TAF4B: variants seen among roughly 807,000 people sequenced by gnomAD.
TAF4B encodes the protein TATA-box binding protein associated factor 4b.
A neutral mutation model predicts 86.4 loss-of-function variants in TAF4B; 38 were observed. The observed-to-expected ratio is 0.44, with a 90% confidence interval of 0.34 to 0.58. The LOEUF is 0.58. TAF4B is among the 20% of genes least tolerant of loss of function. The pLI is 0.02. For missense variants in TAF4B, 988 were observed against 1,027.6 expected (o/e 0.96, Z 0.53); for synonymous variants, 388 against 391.2 (o/e 0.99, Z 0.10).
intron 14 of TAF4B, among the ~76,000 whole-genome samples, chr18:26,388,665 G>T (rs1417067073): frequency 3.3e-5 from 5 of 152,228 alleles, no homozygotes. Context: ...ATTGGCAGAG[G>T]AGCCATGTGG....
intron 1 of TAF4B, among the ~76,000 whole-genome samples, chr18:26,262,146 A>G (rs953230517): frequency 2.0e-5 from 3 of 151,036 alleles, no homozygotes; most frequent in East Asian, 3.9e-4. Flanking sequence ...AAGAAGGGAG[A>G]CTTGAACCCT....
chr18:26,297,102 C>G (rs2056673193), intron 9 of TAF4B, among the ~76,000 whole-genome samples: 1 of 150,736 alleles, frequency 6.6e-6, no homozygotes, highest in East Asian at 1.9e-4. Context: ...CCACTGCACT[C>G]CAGCCTGGGT....
intron 8 of TAF4B, 75 bp from the exon 9 acceptor site, chr18:26,293,351 G>A (rs560117778): frequency 1.2e-5 from 12 of 966,306 alleles, no homozygotes; most frequent in South Asian, 4.7e-5. Flanking sequence ...TATAAAAAAC[G>A]GTTGTCCTGG....
chr18:26,357,839 C>A, intron 14 of TAF4B, 45 bp downstream of exon 14: 1 of 1,455,910 alleles, frequency 6.9e-7, no homozygotes, highest in Non-Finnish European at 9.5e-7. Context: ...GTCAAGAAAG[C>A]AAGCCAAAAA....
chr18:26,333,061 T>A (rs1035306751), intron 12 of TAF4B, among the ~76,000 whole-genome samples: 1 of 151,840 alleles, frequency 6.6e-6, no homozygotes, highest in African/African-American at 2.4e-5. Flanking sequence ...TTTTGTTGTT[T>A]AGATATCTAC....
At chr18:26,258,152 G>A (rs1431344252) in intron 1 of TAF4B, among the ~76,000 whole-genome samples, 1 of 151,882 alleles carries the variant, frequency 6.6e-6, no homozygotes, top group East Asian at 1.9e-4. Context: ...TACTCAGGAG[G>A]CTGAGGCAGG....
intron 1 of TAF4B, among the ~76,000 whole-genome samples, chr18:26,238,886 AGC>A (rs2055791959): frequency 6.6e-6 from 1 of 152,160 alleles, no homozygotes; most frequent in Non-Finnish European, 1.5e-5. Context: ...GATGGTTTCC[AGC>A]TTCATCCATG....
intron 14 of TAF4B, among the ~76,000 whole-genome samples, chr18:26,359,396 G>A (rs2057313614): frequency 6.6e-6 from 1 of 152,090 alleles, no homozygotes; most frequent in Non-Finnish European, 1.5e-5. Flanking sequence ...GACTTAAAGG[G>A]TATGAACATT....
chr18:26,282,113 T>TA, intron 6 of TAF4B, 53 bp downstream of exon 6: 1 of 1,379,232 alleles, frequency 7.3e-7, no homozygotes. Flanking sequence ...TACTCTAAAA[T>TA]AATTAAAAAT....
Position 26,292,254 on chromosome 18 carries a change from G to A in TAF4B, c.1599G>A (p.Gln533=). The change falls in exon 8 of 15, where the codon CAG becomes CAA. Residue 533 remains glutamine (Q), a synonymous_variant. Coordinates refer to ENST00000269142, the MANE Select transcript of TAF4B (RefSeq NM_005640.3). ...AGTTCTCATTGTTTCAGGTAGTTCA[G>A]CAGCCTTCAGGAGGCAATGAAAAAC... ...QAVQVKQLVV[Q]QPSGGNEKQV... 1.2e-6 allele frequency: 2 copies of A among 1,613,772 alleles called. No individual in the cohort carries two copies. The highest frequency in any genetic ancestry group is 1.7e-6 in the Non-Finnish European group (2 of 1,179,888).
chr18:26,293,350 C>T (rs540231538), intron 8 of TAF4B, 76 bp from the exon 9 acceptor site: 19 of 957,580 alleles, frequency 2.0e-5, no homozygotes, highest in East Asian at 1.6e-4. Context: ...ATATAAAAAA[C>T]GGTTGTCCTG....
At chr18:26,383,028 T>C (rs2144390480) in intron 14 of TAF4B, among the ~76,000 whole-genome samples, 1 of 152,278 alleles carries the variant, frequency 6.6e-6, no homozygotes, top group Non-Finnish European at 1.5e-5. Flanking sequence ...GAGAATGCTA[T>C]GTGCAATTAA....
At chr18:26,363,034 A>G (rs1189796877) in intron 14 of TAF4B, among the ~76,000 whole-genome samples, 3 of 152,172 alleles carry the variant, frequency 2.0e-5, no homozygotes, top group Non-Finnish European at 2.9e-5. Context: ...TTACATGCAA[A>G]TACTATGCCA....
chr18:26,232,544 C>T (rs891346801), intron 1 of TAF4B, among the ~76,000 whole-genome samples: 1 of 152,152 alleles, frequency 6.6e-6, no homozygotes, highest in African/African-American at 2.4e-5. Flanking sequence ...GTCACAGGAC[C>T]TAGAAAGGGG....
intron 14 of TAF4B, among the ~76,000 whole-genome samples, chr18:26,386,067 C>T (rs1978348446): frequency 6.6e-6 from 1 of 152,154 alleles, no homozygotes; most frequent in Non-Finnish European, 1.5e-5. Context: ...GAAGAGAATG[C>T]TATCACCTTC....
chr18:26,352,336 G>A (rs905608002), intron 13 of TAF4B, among the ~76,000 whole-genome samples: 4 of 151,778 alleles, frequency 2.6e-5, no homozygotes, highest in African/African-American at 7.3e-5. Context: ...GCTTACATTA[G>A]AAAAGAAGAA....
At chr18:26,240,518 T>C (rs1315541952) in intron 1 of TAF4B, among the ~76,000 whole-genome samples, 1 of 152,236 alleles carries the variant, frequency 6.6e-6, no homozygotes, top group Non-Finnish European at 1.5e-5. Context: ...TATACAATCA[T>C]GTCATCTGCA....
intron 14 of TAF4B, among the ~76,000 whole-genome samples, chr18:26,373,074 T>G (rs911748809): frequency 6.6e-6 from 1 of 152,182 alleles, no homozygotes; most frequent in Non-Finnish European, 1.5e-5. Flanking sequence ...TGGTGAACTT[T>G]CTAGGGCTTC....
rs760530662 is a variant in TAF4B, at chr18:26,315,310, C to T, written c.1914C>T (p.Asn638=). Residue 638 remains asparagine (N), a synonymous_variant, in exon 10 of 15, where the codon AAC becomes AAT. Coordinates refer to ENST00000269142, the MANE Select transcript of TAF4B (RefSeq NM_005640.3). ...NEENACILAT[N]SELVGTLIQS... ...AAAATGCCTGCATCTTAGCAACAAA[C>T]TCTGAATTGGTTGGCACACTCATTC... The T allele has an allele frequency of 1.2e-4, 196 of 1,613,442 alleles. No homozygotes were observed. Among genetic ancestry groups the T allele is most frequent in the Non-Finnish European group, 1.6e-4 (191 of 1,179,886 alleles).
Sources: gnomAD v4.1 joint callset for allele counts (sites outside exome capture counted in the v4.1 genomes callset) on GRCh38, gnomAD v4.1.1 for gene constraint, MANE v1.5 for transcripts, NCBI Gene and HGNC (gene_info 2026-07-23, HGNC 2026-07-21) for gene names.